The following PRKAR1A variants were observed in gnomAD, a reference collection of about 807,000 sequenced individuals.
The protein encoded by PRKAR1A is protein kinase cAMP-dependent type I regulatory subunit alpha.
Under a neutral mutation model 52.0 loss-of-function variants are expected in PRKAR1A, and 3 were observed. The ratio of observed to expected loss-of-function variants is 0.06; its 90% CI spans 0.03 to 0.15. The LOEUF (loss-of-function observed/expected upper bound fraction) is 0.15. Ranked by LOEUF, PRKAR1A falls within the 10% of genes least tolerant of loss-of-function variation. The pLI is 1.00. For synonymous variants in PRKAR1A, 188 were observed against 168.4 expected (o/e 1.12, Z -0.90); for missense variants, 240 against 477.4 (o/e 0.50, Z 4.63).
Position 68,529,087 on chromosome 17 carries a change from G to A in PRKAR1A, c.891+96G>A, listed in dbSNP as rs192705106. 2.8e-6 allele frequency: 4 copies of A among 1,450,270 alleles called. No individual in the cohort carries two copies. The East Asian group carries it at 9.4e-5, about 34-fold the overall frequency. The allele number at this position is 1,450,270 out of a possible 1,614,324, so 89.8% of individuals were successfully genotyped here. A position where few individuals can be genotyped will look rare whatever the true frequency, so the allele number is the denominator to read the frequency against. The stretch of plus-strand genomic sequence containing the variant: ...GTACGCTCTAAGAGGGAAAGAGTGG[G>A]CTAATTCTGAACTATAGCTTTAGTT... On this transcript the variant is annotated intron_variant, in intron 9 of 10. Transcript: ENST00000589228.
At chr17:68,441,526 G>A in the PRKAR1A span, among the ~76,000 whole-genome samples, 1 of 152,120 alleles carries the variant, frequency 6.6e-6, no homozygotes, top group Non-Finnish European at 1.5e-5. Context: ...AACAGATAAG[G>A]CGACTCCTGG....
At chr17:68,425,467 A>G in the PRKAR1A span, among the ~76,000 whole-genome samples, 1 of 145,728 alleles carries the variant, frequency 6.9e-6, no homozygotes, top group African/African-American at 2.6e-5. Context: ...GCAATCCTCC[A>G]GCCTCGGCCT....
At chr17:68,507,033 A>G (rs1350472192), upstream of PRKAR1A, among the ~76,000 whole-genome samples, 1 of 152,226 alleles carries the variant, frequency 6.6e-6, no homozygotes, top group Non-Finnish European at 1.5e-5. Context: ...AGCTTCTCAA[A>G]GGGAACCATG....
At chr17:68,529,503 A>T (rs1347145942) in intron 9 of PRKAR1A, among the ~76,000 whole-genome samples, 1 of 152,176 alleles carries the variant, frequency 6.6e-6, no homozygotes, top group Non-Finnish European at 1.5e-5. Flanking sequence ...GGGTCAGGAG[A>T]CTGTAAAGGG....
At chr17:68,424,429 A>G in the PRKAR1A span, 3 of 534,680 alleles carry the variant, frequency 5.6e-6, no homozygotes, top group South Asian at 2.8e-5. Flanking sequence ...AAGAAGCCAG[A>G]CCTGCACTCC....
At chr17:68,549,870 GTATT>G (rs1208608859) in intron 11 of PRKAR1A, among the ~76,000 whole-genome samples, 3 of 152,164 alleles carry the variant, frequency 2.0e-5, no homozygotes, top group Non-Finnish European at 2.9e-5. Context: ...GGAACACAAT[GTATT>G]TATTTACATA....
At chr17:68,422,291 G>C in the PRKAR1A span, 34,961 of 162,820 alleles carry the variant, frequency 0.21, 4,714 homozygotes, top group Non-Finnish European at 0.3. Context: ...GCCGGGCATG[G>C]TGGCGCTCAC....
chr17:68,543,959 A>G (rs1176056692), intron 11 of PRKAR1A, among the ~76,000 whole-genome samples: 1 of 152,130 alleles, frequency 6.6e-6, no homozygotes, highest in Non-Finnish European at 1.5e-5. Flanking sequence ...CACCAATACC[A>G]AGTTTCCTGC....
chr17:68,433,684 G>T, the PRKAR1A span: 1 of 718,016 alleles, frequency 1.4e-6, no homozygotes, highest in Non-Finnish European at 2.3e-6. Context: ...GAAGAGCCTA[G>T]GTAGACCCAG....
chr17:68,471,827 G>A, the PRKAR1A span, among the ~76,000 whole-genome samples: 12 of 152,058 alleles, frequency 7.9e-5, no homozygotes, highest in African/African-American at 2.9e-4. Flanking sequence ...TTTAGACAGA[G>A]TCTTGCTTTG....
chr17:68,486,471 CT>C, the PRKAR1A span, among the ~76,000 whole-genome samples: 2 of 97,536 alleles, frequency 2.1e-5, no homozygotes, highest in African/African-American at 4.3e-5. Flanking sequence ...CTTTCTTTCT[CT>C]CCTTCCTTCC....
chr17:68,482,304 C>T, the PRKAR1A span, among the ~76,000 whole-genome samples: 2 of 152,184 alleles, frequency 1.3e-5, no homozygotes, highest in African/African-American at 4.8e-5. Flanking sequence ...TTTAGCTTCA[C>T]AAAAACCTTA....
chr17:68,429,431 C>T, the PRKAR1A span, among the ~76,000 whole-genome samples: 1 of 152,164 alleles, frequency 6.6e-6, no homozygotes, highest in African/African-American at 2.4e-5. Context: ...AGGCTTTTTA[C>T]ATAATTACAT....
At chr17:68,510,332 G>A (rs778694631), upstream of PRKAR1A, among the ~76,000 whole-genome samples, 2 of 152,262 alleles carry the variant, frequency 1.3e-5, no homozygotes, top group Middle Eastern at 3.4e-3. Flanking sequence ...TATTACCTAT[G>A]TTAAGAGTTA....
the PRKAR1A span, among the ~76,000 whole-genome samples, chr17:68,491,009 C>T: frequency 4.6e-5 from 7 of 152,124 alleles, no homozygotes; most frequent in African/African-American, 1.7e-4. Context: ...GTCTCCTGTG[C>T]CTGTGGCCTT....
the PRKAR1A span, among the ~76,000 whole-genome samples, chr17:68,467,023 G>A: frequency 6.6e-6 from 1 of 152,128 alleles, no homozygotes; most frequent in Non-Finnish European, 1.5e-5. Flanking sequence ...ACAATACGTG[G>A]CCCTTTGTGT....
rs180955983 is a variant in PRKAR1A at position 68,520,312 on chromosome 17, C to T, written c.178-2444C>T. Among the ~76,000 whole-genome samples, 73 of 152,240 alleles carry T rather than the reference C, an allele frequency of 4.8e-4. 1 individual carries two copies. Among genetic ancestry groups the T allele is most frequent in the African/African-American group, 1.7e-3 (71 of 41,542 alleles). On this transcript the variant is annotated intron_variant, in intron 2 of 10. Transcript: ENST00000589228. ...CAGAAGCAGGGAGGGAACAAATAAT[C>T]GGGAAAACATAGTAGTGGGGACAGA... is the stretch of plus-strand genomic sequence containing the variant.
At chr17:68,433,841 G>A in the PRKAR1A span, among the ~76,000 whole-genome samples, 258 of 130,094 alleles carry the variant, frequency 2.0e-3, 2 homozygotes, top group African/African-American at 7.1e-3. Context: ...GGAGTACGGT[G>A]GCTTGATCTC....
the PRKAR1A span, among the ~76,000 whole-genome samples, chr17:68,441,782 G>A: frequency 6.6e-6 from 1 of 152,312 alleles, no homozygotes; most frequent in East Asian, 1.9e-4. Context: ...CCATTTTACT[G>A]CAGTAGAAAG....
Sources: gnomAD v4.1 joint callset for allele counts (sites outside exome capture counted in the v4.1 genomes callset) on GRCh38, gnomAD v4.1.1 for gene constraint, MANE v1.5 for transcripts, NCBI Gene and HGNC (gene_info 2026-07-23, HGNC 2026-07-21) for gene names.